The following ARHGAP11A variants were observed in gnomAD, a reference collection of about 807,000 sequenced individuals.
ARHGAP11A encodes the protein Rho GTPase activating protein 11A.
A neutral mutation model predicts 60.5 loss-of-function variants in ARHGAP11A; 36 were observed. The observed-to-expected ratio is 0.59, with a 90% CI of 0.46 to 0.79. The LOEUF (loss-of-function observed/expected upper bound fraction) is 0.79. ARHGAP11A is among the 30% of genes least tolerant of loss of function. The pLI is 0.00. For synonymous variants in ARHGAP11A, 362 were observed against 415.5 expected, an observed-to-expected ratio of 0.87 and a Z score of 1.57; for missense variants, 1,071 against 1,199.2, an observed-to-expected ratio of 0.89 and a Z score of 1.58.
At chr15:32,629,165 G>A (rs943043428) in intron 7 of ARHGAP11A, among the ~76,000 whole-genome samples, 3 of 145,962 alleles carry the variant, frequency 2.1e-5, no homozygotes, top group African/African-American at 5.1e-5. Context: ...ATTTGCTTGT[G>A]GCTGAAATTA....
At chr15:32,634,122 C>G in intron 10 of ARHGAP11A, 81 bp downstream of exon 10, 3 of 898,222 alleles carry the variant, frequency 3.3e-6, no homozygotes, top group Non-Finnish European at 1.7e-6. Flanking sequence ...ATAGCCCTAC[C>G]TTCCTTCCAG....
chr15:32,621,040 C>T (rs2053283177), intron 2 of ARHGAP11A, among the ~76,000 whole-genome samples: 1 of 151,326 alleles, frequency 6.6e-6, no homozygotes, highest in African/African-American at 2.4e-5. Flanking sequence ...CACTGCACTC[C>T]AGCATTGGCA....
chr15:32,629,515 A>C (rs978420115), intron 7 of ARHGAP11A, 80 bp from the exon 8 acceptor site: 2 of 1,207,042 alleles, frequency 1.7e-6, no homozygotes, highest in Non-Finnish European at 2.3e-6. Context: ...ATAGCTTTAT[A>C]AGAAGAAATT....
rs36116855 is a variant in ARHGAP11A at position 32,639,460 on chromosome 15, A to G, written c.*1615A>G. 6.6e-6 allele frequency: 1 copy of G among 152,250 alleles called. No homozygotes were observed. The highest frequency in any genetic ancestry group is 1.5e-5 in the Non-Finnish European group (1 of 68,052). 9.4% of individuals were successfully genotyped at this position (152,250 alleles called of 1,614,324 possible). ...TTGTAAGTAGAGACAAAATATTCAT[A>G]TAGTCAGATATATGTTGTCTGCTTT... On this transcript the variant is annotated 3_prime_UTR_variant, in exon 12 of 12. Coordinates refer to ENST00000361627, the MANE Select transcript of ARHGAP11A (RefSeq NM_014783.6).
rs1567045751 is a variant in ARHGAP11A, at chr15:32,615,701, G to T, written c.-511G>T. 6.5e-6 allele frequency: 1 copy of T among 153,108 alleles called. No individual in the cohort carries two copies. Among genetic ancestry groups the T allele is most frequent in the Non-Finnish European group, 1.5e-5 (1 of 68,612 alleles). 9.5% of individuals were successfully genotyped at this position (153,108 alleles called of 1,614,324 possible). A position where few individuals can be genotyped will look rare whatever the true frequency, so the allele number is the denominator to read the frequency against. On this transcript the variant is annotated 5_prime_UTR_variant, in exon 1 of 12. Coordinates refer to ENST00000361627, the MANE Select transcript of ARHGAP11A (RefSeq NM_014783.6). ...GGCGGGCACCGGGACTGGAAGAGTT[G>T]CCTGAGCAGCCGGCTGGTCCGGCGG...
rs937705885 is a variant in ARHGAP11A, at chr15:32,639,158, G to C, written c.*1313G>C. The C allele has an allele frequency of 6.6e-6, 1 of 152,502 alleles. No homozygotes were observed. Among genetic ancestry groups the C allele is most frequent in the African/African-American group, 2.4e-5 (1 of 41,442 alleles). 9.4% of individuals were successfully genotyped at this position (152,502 alleles called of 1,614,324 possible). On this transcript the variant is annotated 3_prime_UTR_variant, in exon 12 of 12. Coordinates refer to ENST00000361627, the MANE Select transcript of ARHGAP11A (RefSeq NM_014783.6). ...TTATTACAAATTACACATCTTTGAGGAAAGAGTATTATGAACAATAGAACA... is the reference window on the plus strand; with the variant it reads ...TTATTACAAATTACACATCTTTGAGCAAAGAGTATTATGAACAATAGAACA...
intron 10 of ARHGAP11A, among the ~76,000 whole-genome samples, chr15:32,635,148 C>T (rs533657917): frequency 1.3e-5 from 2 of 152,356 alleles, no homozygotes; most frequent in South Asian, 2.1e-4. Context: ...GAGCTCTCCT[C>T]CAGTCCCCCT....
Position 32,639,264 on chromosome 15 carries a change from T to C in ARHGAP11A, c.*1419T>C, listed in dbSNP as rs1388862404. The C allele has an allele frequency of 6.6e-6, 1 of 152,192 alleles. No individual in the cohort carries two copies. The highest frequency in any genetic ancestry group is 1.9e-4 in the East Asian group (1 of 5,186). The allele number at this position is 152,192 out of a possible 1,614,324, so 9.4% of individuals were successfully genotyped here. ...GTTTTTCAGATTGGTTGTTAGAATG[T>C]CATGTTTAGATGTTGGAGCAGATTA... is the stretch of plus-strand genomic sequence containing the variant. On this transcript the variant is annotated 3_prime_UTR_variant, in exon 12 of 12. Coordinates refer to ENST00000361627, the MANE Select transcript of ARHGAP11A (RefSeq NM_014783.6).
At position 32,636,537 on chromosome 15, in the gene ARHGAP11A, AAAT is replaced by A; in HGVS notation, c.1767_1769del (p.Asn590del). 6.2e-7 allele frequency: 1 copy of A among 1,614,134 alleles called. No individual in the cohort carries two copies. Among genetic ancestry groups the A allele is most frequent in the Non-Finnish European group, 8.5e-7 (1 of 1,180,002 alleles). On this transcript the variant is annotated inframe_deletion, in exon 12 of 12. Coordinates refer to ENST00000361627, the MANE Select transcript of ARHGAP11A (RefSeq NM_014783.6). ...CAAGTAGCCCTCTTAGCGGGGATGA[AAAT>A]AACATGACCAAAGAGACTTTGGTGA...
At position 32,636,663 on chromosome 15, in the gene ARHGAP11A, T is replaced by C. The variant is rs373354756; in HGVS notation, c.1890T>C (p.Thr630=). Reference sequence around the variant, plus strand: ...CTAATGTGGGGAAAGTAAAATTAACTGAACCATCTTATTTAGAAGATAGCC... The same window carrying C: ...CTAATGTGGGGAAAGTAAAATTAACCGAACCATCTTATTTAGAAGATAGCC... ...SVTNVGKVKL[T]EPSYLEDSPE... is the part of the protein sequence containing the mutation. The change falls in exon 12 of 12, where the codon ACT becomes ACC. Residue 630 remains threonine (T), a synonymous_variant. Transcript: ENST00000361627. The C allele has an allele frequency of 8.7e-6, 14 of 1,613,814 alleles. No individual in the cohort carries two copies. The East Asian group carries it at 3.1e-4, about 36-fold the overall frequency.
rs1373283183 is a variant in ARHGAP11A at position 32,623,370 on chromosome 15, TAC to T, written c.201-120_201-119del. ...AAAAGTAACATTTCATCTCAAAGAC[TAC>T]AGAGATTTGTGGCTTTAGAGCCTCT... On this transcript the variant is annotated intron_variant, in intron 2 of 11. Transcript: ENST00000361627. The T allele has an allele frequency of 1.7e-5, 14 of 811,206 alleles. No individual in the cohort carries two copies. The African/African-American group carries it at 2.5e-4, about 14-fold the overall frequency. The allele number at this position is 811,206 out of a possible 1,614,324, so 50.3% of individuals were successfully genotyped here.
In ARHGAP11A at chr15:32,628,726, A is replaced by G; in HGVS notation, c.863-2A>G. The G allele has an allele frequency of 6.4e-7, 1 of 1,565,448 alleles. No individual in the cohort carries two copies. Among genetic ancestry groups the G allele is most frequent in the Non-Finnish European group, 8.6e-7 (1 of 1,166,082 alleles). On this transcript the variant is annotated splice_acceptor_variant, in intron 6 of 11. Transcript: ENST00000361627. LOFTEE classifies it high-confidence loss of function. ...TGTAATTGCTTATGCCTTGCATTTC[A>G]GATTTTGTTAGTGGAGCACTAAATA...
At chr15:32,631,430 G>C (rs2053580973) in intron 8 of ARHGAP11A, among the ~76,000 whole-genome samples, 1 of 151,740 alleles carries the variant, frequency 6.6e-6, no homozygotes, top group South Asian at 2.1e-4. Flanking sequence ...CAGGTAGCTG[G>C]GATTATAGGT....
chr15:32,634,563 C>G (rs1450817654), intron 10 of ARHGAP11A, among the ~76,000 whole-genome samples: 1 of 152,206 alleles, frequency 6.6e-6, no homozygotes, highest in Non-Finnish European at 1.5e-5. Flanking sequence ...CCCAAATGCT[C>G]TTCTGAATGA....
At chr15:32,633,606 A>G (rs960422316) in intron 9 of ARHGAP11A, among the ~76,000 whole-genome samples, 1 of 152,116 alleles carries the variant, frequency 6.6e-6, no homozygotes, top group African/African-American at 2.4e-5. Context: ...TTATGCCATT[A>G]TACTCCAGCC....
chr15:32,616,936 C>T (rs1046233534), intron 1 of ARHGAP11A, among the ~76,000 whole-genome samples: 13 of 152,108 alleles, frequency 8.5e-5, no homozygotes, highest in African/African-American at 2.9e-4. Flanking sequence ...GCTGCTTGGC[C>T]ATGTCATACT....
At chr15:32,619,970 A>G in intron 1 of ARHGAP11A, 138 bp from the exon 2 acceptor site, 6 of 1,473,616 alleles carry the variant, frequency 4.1e-6, no homozygotes, top group Non-Finnish European at 5.5e-6. Context: ...TGAAATGATT[A>G]TTTTTGTCTT....
rs1218395454 is a variant in ARHGAP11A at position 32,631,864 on chromosome 15, T to C, written c.1106-1115T>C. Among the ~76,000 whole-genome samples the C allele has an allele frequency of 3.3e-5, 5 of 151,072 alleles. 1 individual carries two copies. Among genetic ancestry groups the C allele is most frequent in the Admixed American group, 6.6e-5 (1 of 15,188 alleles). ...CTAATTTTTGTATTTTTAGTAGAGA[T>C]GGGATTTCACCATGTTGGCCAGGCT... On this transcript the variant is annotated intron_variant, in intron 8 of 11. Coordinates refer to ENST00000361627, the MANE Select transcript of ARHGAP11A (RefSeq NM_014783.6).
chr15:32,633,995 G>T lies in ARHGAP11A; in HGVS notation c.1298G>T (p.Arg433Ile). The change falls in exon 10 of 12, where the codon AGA becomes ATA. Residue 433 changes from arginine to isoleucine, a missense_variant. Arg to Ile is a moderately conservative substitution (Grantham distance 97). Coordinates refer to ENST00000361627, the MANE Select transcript of ARHGAP11A (RefSeq NM_014783.6). ...PKISHKEKVR[R>I]SLRLKFNLGK... is the part of the protein sequence containing the mutation. ...ATCAGCCATAAAGAAAAGGTTCGAA[G>T]ATCTCTGCGTTTGAAATTCAATCTA... The T allele has an allele frequency of 6.2e-7, 1 of 1,608,068 alleles. No homozygotes were observed. Among genetic ancestry groups the T allele is most frequent in the African/African-American group, 1.3e-5 (1 of 74,666 alleles).
Sources: allele counts gnomAD v4.1 joint callset (sites outside exome capture counted in the v4.1 genomes callset), GRCh38; gene constraint gnomAD v4.1.1; transcripts MANE v1.5; gene names NCBI Gene and HGNC (gene_info 2026-07-23, HGNC 2026-07-21).